Variants in IL2RA observed in about 807,000 individuals in gnomAD.
IL2RA encodes the protein interleukin 2 receptor subunit alpha.
In IL2RA, 24 loss-of-function variants were observed where a neutral mutation model predicts 37.8. That is an observed-to-expected ratio of 0.63 (90% CI 0.46 to 0.89). The LOEUF is 0.89. IL2RA is among the 40% of genes least tolerant of loss of function. The pLI, the probability that IL2RA is intolerant of heterozygous loss-of-function variation, is 0.00. For missense variants in IL2RA, 319 were observed against 348.6 expected (o/e 0.92, Z 0.68); for synonymous variants, 125 against 114.6 (o/e 1.09, Z -0.58).
At chr10:6,017,109 T>C in intron 7 of IL2RA, 1 of 160,694 alleles carries the variant, frequency 6.2e-6, no homozygotes, top group Non-Finnish European at 1.4e-5. Context: ...CCCTTTGGAC[T>C]GCCTTCCTTT....
In IL2RA at chr10:6,054,234, G is replaced by C. The variant is rs931227817; in HGVS notation, c.64+7854C>G. On this transcript the variant is annotated intron_variant, in intron 1 of 7. Transcript: ENST00000379959. The surrounding 1 kb of genome is among the most constrained non-coding windows in gnomAD (Gnocchi z 4.5). ...TGGTTGGGTGTGGGAGTGGGAGAAT[G>C]GGCTGTCAGGACAAAAGCACTGGGA... is the stretch of plus-strand genomic sequence containing the variant. Among the ~76,000 whole-genome samples, 1 of 152,220 alleles carries C rather than the reference G, an allele frequency of 6.6e-6. No individual in the cohort carries two copies. The highest frequency in any genetic ancestry group is 2.4e-5 in the African/African-American group (1 of 41,446).
In IL2RA at chr10:6,014,752, C is replaced by G. The variant is rs1018751061; in HGVS notation, c.795-1856G>C. On this transcript the variant is annotated intron_variant, in intron 7 of 7. Transcript: ENST00000379959. This position sits in a 1 kb window ranked among gnomAD's most constrained non-coding sequence, Gnocchi z 4.4. ...CCCCTTAGAGAAACTGGTAGACTGC[C>G]GGGTATATGAATCATTCCTGCTACA... is the stretch of plus-strand genomic sequence containing the variant. 6.6e-6 allele frequency among the ~76,000 whole-genome samples: 1 copy of G among 152,086 alleles called. No homozygotes were observed. Among genetic ancestry groups the G allele is most frequent in the Non-Finnish European group, 1.5e-5 (1 of 68,020 alleles).
At chr10:6,037,576 C>T (rs536655099) in intron 1 of IL2RA, among the ~76,000 whole-genome samples, 15 of 152,324 alleles carry the variant, frequency 9.8e-5, no homozygotes, top group African/African-American at 3.4e-4. Context: ...ACAAGGGACA[C>T]AGGTACGCAT....
chr10:6,032,647 C>T (rs946031330), intron 1 of IL2RA, among the ~76,000 whole-genome samples: 7 of 148,492 alleles, frequency 4.7e-5, no homozygotes, highest in Admixed American at 2.0e-4. Context: ...GAGCCCAGAT[C>T]GCGTCACTGC....
At chr10:6,059,711 G>A (rs1169500937) in intron 1 of IL2RA, among the ~76,000 whole-genome samples, 1 of 152,132 alleles carries the variant, frequency 6.6e-6, no homozygotes, top group Non-Finnish European at 1.5e-5. Context: ...AGGCACTCCT[G>A]TGTTTTGGCT....
At chr10:6,024,458 C>T (rs1839445841) in intron 2 of IL2RA, 104 bp from the exon 3 acceptor site, 11 of 846,106 alleles carry the variant, frequency 1.3e-5, no homozygotes, top group Admixed American at 2.0e-5. Flanking sequence ...CCAGGGCCCA[C>T]GATGTGTCTG....
rs1230574147 is a variant in IL2RA at position 6,058,310 on chromosome 10, C to T, written c.64+3778G>A. ...ATTCGTGAAACTCATTCTTTTGGTG[C>T]AGAATTGTGAAGTCAATTTTTTTCT... On this transcript the variant is annotated intron_variant, in intron 1 of 7. Coordinates refer to ENST00000379959, the MANE Select transcript of IL2RA (RefSeq NM_000417.3). This position sits in a 1 kb window ranked among gnomAD's most constrained non-coding sequence, Gnocchi z 4.2. Among the ~76,000 whole-genome samples the T allele has an allele frequency of 6.6e-6, 1 of 152,128 alleles. No individual in the cohort carries two copies. Among genetic ancestry groups the T allele is most frequent in the Non-Finnish European group, 1.5e-5 (1 of 68,028 alleles).
rs1272000245 is a variant in IL2RA, at chr10:6,055,478, T to C, written c.64+6610A>G. Among the ~76,000 whole-genome samples the C allele has an allele frequency of 3.3e-3, 13 of 3,960 alleles. 6 individuals carry two copies. In the Admixed American group the frequency reaches 0.058, roughly 18 times the overall value. The allele number at this position is 3,960 out of a possible 152,430, so 2.6% of individuals were successfully genotyped here. On this transcript the variant is annotated intron_variant, in intron 1 of 7. Coordinates refer to ENST00000379959, the MANE Select transcript of IL2RA (RefSeq NM_000417.3). ...TCACCGCCCTTAATCCATTTAATCC[T>C]GAGTGGACACAGCACATGTTTCAGA...
In IL2RA at chr10:6,024,479, G is replaced by A; in HGVS notation, c.257-125C>T. ...CCCACGATGTGTCTGGTGGTGTCTG[G>A]CTGCTGAGCTTACAAATACGAAACC... On this transcript the variant is annotated intron_variant, in intron 2 of 7. Transcript: ENST00000379959. 4.1e-6 allele frequency: 3 copies of A among 735,848 alleles called. No individual in the cohort carries two copies. In the Admixed American group the frequency reaches 6.5e-5, roughly 16 times the overall value. 45.6% of individuals were successfully genotyped at this position (735,848 alleles called of 1,614,324 possible).
chr10:6,012,874 A>G lies in IL2RA; in HGVS notation c.817T>C (p.Ter273GlnextTer10), dbSNP rs1285538531. ...RRQRKSRRTI[*>Q] Reference sequence around the variant, plus strand: ...GAAATTCTTGTTCTTTTGGTTTTCTAGATTGTTCTTCTACTCTTCCTCCTG... The same window carrying G: ...GAAATTCTTGTTCTTTTGGTTTTCTGGATTGTTCTTCTACTCTTCCTCCTG... The change falls in exon 8 of 8, where the codon TAG becomes CAG. Residue 273 changes from the stop codon to glutamine, a stop_lost. Transcript: ENST00000379959. The surrounding 1 kb of genome is among the most constrained non-coding windows in gnomAD (Gnocchi z 4.8). 2.5e-6 allele frequency: 4 copies of G among 1,613,742 alleles called. No homozygotes were observed. Among genetic ancestry groups the G allele is most frequent in the Non-Finnish European group, 3.4e-6 (4 of 1,179,806 alleles).
At chr10:6,041,980 G>C (rs183412310) in intron 1 of IL2RA, among the ~76,000 whole-genome samples, 2 of 151,260 alleles carry the variant, frequency 1.3e-5, no homozygotes, top group East Asian at 3.9e-4. Flanking sequence ...AGATCAAAAA[G>C]GCATTTTCAC....
rs1377838523 is a variant in IL2RA at position 6,057,112 on chromosome 10, C to G, written c.64+4976G>C. Among the ~76,000 whole-genome samples the G allele has an allele frequency of 6.6e-6, 1 of 152,228 alleles. No homozygotes were observed. Among genetic ancestry groups the G allele is most frequent in the Non-Finnish European group, 1.5e-5 (1 of 68,032 alleles). On this transcript the variant is annotated intron_variant, in intron 1 of 7. Coordinates refer to ENST00000379959, the MANE Select transcript of IL2RA (RefSeq NM_000417.3). The surrounding 1 kb of genome is among the most constrained non-coding windows in gnomAD (Gnocchi z 4.8). The stretch of plus-strand genomic sequence containing the variant: ...TGTGTTACCATGACTATATCTATGC[C>G]TTTCTCCTCCTCACCAACTTATGAC...
At chr10:6,042,729 G>C (rs545012281) in intron 1 of IL2RA, among the ~76,000 whole-genome samples, 117 of 152,120 alleles carry the variant, frequency 7.7e-4, no homozygotes, top group African/African-American at 2.8e-3. Context: ...TGAACAAGGA[G>C]GCCACAGAGA....
chr10:6,036,745 G>C lies in IL2RA; in HGVS notation c.65-10720C>G, dbSNP rs1261487536. ...CCTGAGCTATTTTTGTGTCCCTTGA[G>C]TTAACCAGAAATACCAACCCTGGAA... On this transcript the variant is annotated intron_variant, in intron 1 of 7. Transcript: ENST00000379959. This position sits in a 1 kb window ranked among gnomAD's most constrained non-coding sequence, Gnocchi z 6.1. Among the ~76,000 whole-genome samples, 1 of 152,182 alleles carries C rather than the reference G, an allele frequency of 6.6e-6. No individual in the cohort carries two copies. Among genetic ancestry groups the C allele is most frequent in the Non-Finnish European group, 1.5e-5 (1 of 68,036 alleles).
chr10:6,060,624 G>A (rs1840108818), intron 1 of IL2RA, among the ~76,000 whole-genome samples: 1 of 152,100 alleles, frequency 6.6e-6, no homozygotes, highest in African/African-American at 2.4e-5. Context: ...TCGTGGTGGT[G>A]CACGCACCTG....
At chr10:6,043,584 G>A (rs917168857) in intron 1 of IL2RA, among the ~76,000 whole-genome samples, 1 of 151,858 alleles carries the variant, frequency 6.6e-6, no homozygotes, top group African/African-American at 2.4e-5. Flanking sequence ...GATTACAAGC[G>A]CCTGCATCAC....
At chr10:6,050,361 G>A (rs1839930421) in intron 1 of IL2RA, among the ~76,000 whole-genome samples, 1 of 152,208 alleles carries the variant, frequency 6.6e-6, no homozygotes. Context: ...TGGTGGCAGG[G>A]CGTGGTGGCT....
intron 1 of IL2RA, among the ~76,000 whole-genome samples, chr10:6,061,883 C>T (rs1044197658): frequency 6.6e-6 from 1 of 152,210 alleles, no homozygotes; most frequent in African/African-American, 2.4e-5. Flanking sequence ...ACAGGAGAAC[C>T]TAATGCTATT....
chr10:6,044,229 CT>C lies in IL2RA; in HGVS notation c.64+17858del, dbSNP rs1839815480. 6.6e-6 allele frequency among the ~76,000 whole-genome samples: 1 copy of C among 152,350 alleles called. No homozygotes were observed. Among genetic ancestry groups the C allele is most frequent in the Admixed American group, 6.5e-5 (1 of 15,304 alleles). On this transcript the variant is annotated intron_variant, in intron 1 of 7. Transcript: ENST00000379959. The surrounding 1 kb of genome is among the most constrained non-coding windows in gnomAD (Gnocchi z 4.5). Reference sequence around the variant, plus strand: ...GGGCTTAGCCCGCAAGGGTTCTTGGCTTTGCCCAGGAAGGAATTCAGGGGCA... The same window carrying C: ...GGGCTTAGCCCGCAAGGGTTCTTGGCTTGCCCAGGAAGGAATTCAGGGGCA...
Sources: gnomAD v4.1 joint callset for allele counts (sites outside exome capture counted in the v4.1 genomes callset) on GRCh38, gnomAD v4.1.1 for gene constraint, Gnocchi (gnomAD v3.1) non-coding constraint, MANE v1.5 for transcripts, NCBI Gene and HGNC (gene_info 2026-07-23, HGNC 2026-07-21) for gene names.